Variants in TENT5D observed in about 807,000 individuals in gnomAD.
The protein encoded by TENT5D is terminal nucleotidyltransferase 5D, also known as cancer/testis antigen 112.
For missense variants in TENT5D, 191 were observed against 287.0 expected, an observed-to-expected ratio of 0.67 and a Z score of 2.42; for synonymous variants, 103 against 100.6, an observed-to-expected ratio of 1.02 and a Z score of -0.15.
chrX:80,341,022 A>G (rs1281019849), intron 2 of TENT5D, among the ~76,000 whole-genome samples: 1 of 112,062 alleles, frequency 8.9e-6, no homozygotes, highest in Non-Finnish European at 1.9e-5. Context: ...CATCATTCCT[A>G]GCTTTTGAAC....
rs775618126 is a variant in TENT5D at position 80,398,167 on chromosome X, G to A, written c.-141-40443G>A. Among the ~76,000 whole-genome samples, 6 of 112,152 alleles carry A rather than the reference G, an allele frequency of 5.3e-5. No individual in the cohort carries two copies. In the East Asian group the frequency reaches 1.7e-3, roughly 32 times the overall value. On this transcript the variant is annotated intron_variant, in intron 3 of 4. Transcript: ENST00000538312. ...TTGATTTTCATTTCCCTGTTGATCA[G>A]TGATGTTGAACATTTTTTCAAGTAT...
At position 80,404,271 on chromosome X, in the gene TENT5D, G is replaced by A. The variant is rs1386060039; in HGVS notation, c.-141-34339G>A. 2.7e-5 allele frequency among the ~76,000 whole-genome samples: 3 copies of A among 112,150 alleles called. No individual in the cohort carries two copies. In the East Asian group the frequency reaches 8.3e-4, roughly 31 times the overall value. On this transcript the variant is annotated intron_variant, in intron 3 of 4. Transcript: ENST00000538312. ...AGACAGAAACCTTTATTCTTTGAGAGTGGAGACTTAATTTCTGAAACAATG... is the reference window on the plus strand; with the variant it reads ...AGACAGAAACCTTTATTCTTTGAGAATGGAGACTTAATTTCTGAAACAATG...
intron 3 of TENT5D, among the ~76,000 whole-genome samples, chrX:80,360,262 T>G (rs977114686): frequency 7.1e-5 from 8 of 112,320 alleles, no homozygotes; most frequent in Non-Finnish European, 1.5e-4. Context: ...GTTATCGATA[T>G]TGAAAGCCAT....
intron 3 of TENT5D, among the ~76,000 whole-genome samples, chrX:80,388,769 A>T (rs1325445660): frequency 9.0e-6 from 1 of 110,601 alleles, no homozygotes; most frequent in African/African-American, 3.3e-5. Flanking sequence ...GTTCCCCTCA[A>T]CCCCCAAATC....
At chrX:80,410,265 C>T (rs1217875247) in intron 3 of TENT5D, among the ~76,000 whole-genome samples, 1 of 104,858 alleles carries the variant, frequency 9.5e-6, no homozygotes, top group African/African-American at 3.5e-5. Flanking sequence ...AACTAAAGAG[C>T]TTCTGCACAG....
chrX:80,343,395 T>C (rs1929998802), intron 3 of TENT5D, among the ~76,000 whole-genome samples: 1 of 104,764 alleles, frequency 9.5e-6, no homozygotes. Context: ...TTATTTCTTT[T>C]TTTTTTTTTT....
exon 3 of TENT5D, chrX:80,444,889 A>G (rs755165315): frequency 8.1e-6 from 1 of 122,800 alleles, no homozygotes; most frequent in Non-Finnish European, 1.9e-5. Flanking sequence ...CATAATGAAA[A>G]TAATTCATGA....
chrX:80,439,154 C>A (rs916854985), intron 2 of TENT5D, among the ~76,000 whole-genome samples: 1 of 111,415 alleles, frequency 9.0e-6, no homozygotes, highest in Non-Finnish European at 1.9e-5. Context: ...ATTTTGAAAA[C>A]GATAATTAGA....
intron 2 of TENT5D, among the ~76,000 whole-genome samples, chrX:80,339,771 T>C (rs1222007381): frequency 9.1e-6 from 1 of 109,886 alleles, no homozygotes; most frequent in Non-Finnish European, 1.9e-5. Context: ...AATCTACATG[T>C]TTACTATTTC....
At chrX:80,351,623 T>G (rs778409053) in intron 3 of TENT5D, among the ~76,000 whole-genome samples, 1 of 110,365 alleles carries the variant, frequency 9.1e-6, no homozygotes, top group African/African-American at 3.3e-5. Context: ...GGTTTGTTAT[T>G]ACCCAACTTC....
At chrX:80,428,803 C>T (rs757333691) in intron 1 of TENT5D, among the ~76,000 whole-genome samples, 90 of 112,151 alleles carry the variant, frequency 8.0e-4, no homozygotes, top group African/African-American at 2.8e-3. Context: ...ATAAGGCTGA[C>T]TTACATACTT....
chrX:80,350,998 C>T (rs1384548359), intron 3 of TENT5D, among the ~76,000 whole-genome samples: 2 of 111,991 alleles, frequency 1.8e-5, no homozygotes, highest in African/African-American at 6.5e-5. Flanking sequence ...TGTAGCGTTT[C>T]TGCAGAGAGA....
At chrX:80,360,667 G>C (rs1248347614) in intron 3 of TENT5D, among the ~76,000 whole-genome samples, 1 of 111,748 alleles carries the variant, frequency 8.9e-6, no homozygotes, top group African/African-American at 3.2e-5. Context: ...ATGGTATGTG[G>C]TTTATGATAG....
At chrX:80,362,954 T>C (rs1930439638) in intron 3 of TENT5D, among the ~76,000 whole-genome samples, 1 of 112,151 alleles carries the variant, frequency 8.9e-6, no homozygotes. Flanking sequence ...ATCTCAAACC[T>C]GTTTAAGATA....
intron 3 of TENT5D, among the ~76,000 whole-genome samples, chrX:80,369,633 G>A (rs1449598201): frequency 2.7e-5 from 3 of 112,078 alleles, no homozygotes; most frequent in African/African-American, 9.7e-5. Context: ...GGTTTGCGTT[G>A]CACTTGTTCA....
intron 3 of TENT5D, among the ~76,000 whole-genome samples, chrX:80,378,169 T>A (rs1212094794): frequency 8.9e-6 from 1 of 112,067 alleles, no homozygotes; most frequent in Non-Finnish European, 1.9e-5. Flanking sequence ...GCAAAAATGG[T>A]CTCCCATTTT....
intron 3 of TENT5D, among the ~76,000 whole-genome samples, chrX:80,380,365 T>G (rs1930835330): frequency 9.0e-6 from 1 of 110,894 alleles, no homozygotes; most frequent in South Asian, 3.8e-4. Flanking sequence ...TCCTGAGGAG[T>G]GCTTTGCTTC....
chrX:80,382,901 C>T (rs1251949925), intron 3 of TENT5D, among the ~76,000 whole-genome samples: 6 of 112,207 alleles, frequency 5.3e-5, no homozygotes, highest in Non-Finnish European at 1.1e-4. Flanking sequence ...CAGTCTTTCA[C>T]GGCTTCCCTT....
At chrX:80,358,279 C>G (rs1930330455) in intron 3 of TENT5D, among the ~76,000 whole-genome samples, 1 of 111,253 alleles carries the variant, frequency 9.0e-6, no homozygotes, top group South Asian at 3.8e-4. Context: ...TCTAAAACAC[C>G]AAAAGCAATG....
Sources: gnomAD v4.1 joint callset for allele counts (sites outside exome capture counted in the v4.1 genomes callset) on GRCh38, gnomAD v4.1.1 for gene constraint, MANE v1.5 for transcripts, NCBI Gene and HGNC (gene_info 2026-07-23, HGNC 2026-07-21) for gene names.